Variants in CERS3 observed in about 807,000 individuals in gnomAD.
CERS3 encodes LAG1 homolog, ceramide synthase 3.
A neutral mutation model predicts 50.3 loss-of-function variants in CERS3; 33 were observed. That is an observed-to-expected ratio of 0.66 (90% CI 0.50 to 0.88). The LOEUF (loss-of-function observed/expected upper bound fraction) is 0.88, where lower values mean the gene tolerates loss of function less well. Among genes scored for constraint, CERS3 ranks in the 40% least tolerant of loss-of-function variants. The pLI is 0.00. For missense variants in CERS3, 470 were observed against 460.3 expected, an observed-to-expected ratio of 1.02 and a Z score of -0.19; for synonymous variants, 176 against 155.2, an observed-to-expected ratio of 1.13 and a Z score of -0.99.
chr15:100,476,779 T>C (rs917301998), intron 7 of CERS3, among the ~76,000 whole-genome samples: 4 of 152,212 alleles, frequency 2.6e-5, no homozygotes, highest in African/African-American at 9.7e-5. Context: ...TGAGACATTA[T>C]ATTACTTAGT....
At chr15:100,501,646 A>C (rs747943575) in intron 3 of CERS3, 31 bp downstream of exon 3, 1 of 1,547,968 alleles carries the variant, frequency 6.5e-7, no homozygotes, top group Admixed American at 1.7e-5. Context: ...AAAGAGGGGG[A>C]ATGGGAAGGA....
chr15:100,532,617 A>T (rs1050742930), upstream of CERS3, among the ~76,000 whole-genome samples: 2 of 151,792 alleles, frequency 1.3e-5, no homozygotes, highest in African/African-American at 4.9e-5. Flanking sequence ...AAAAAAAAAA[A>T]TAGCTGGGTA....
chr15:100,501,886 C>G, intron 2 of CERS3, 36 bp from the exon 3 acceptor site: 1 of 1,600,088 alleles, frequency 6.2e-7, no homozygotes, highest in Non-Finnish European at 8.5e-7. Flanking sequence ...GCTTGTAAAA[C>G]AAACACGTAA....
upstream of CERS3, among the ~76,000 whole-genome samples, chr15:100,530,902 G>A (rs936921729): frequency 1.3e-5 from 2 of 151,998 alleles, no homozygotes; most frequent in Non-Finnish European, 2.9e-5. Flanking sequence ...GGCCAACATG[G>A]TGAAACCCTA....
intron 4 of CERS3, among the ~76,000 whole-genome samples, chr15:100,487,074 C>T (rs2142288246): frequency 6.6e-6 from 1 of 152,158 alleles, no homozygotes; most frequent in South Asian, 2.1e-4. Flanking sequence ...AGAGAAAACT[C>T]CTTGCAAACA....
intron 11 of CERS3, among the ~76,000 whole-genome samples, chr15:100,420,261 C>A (rs1444070129): frequency 2.7e-5 from 4 of 147,606 alleles, no homozygotes; most frequent in Admixed American, 6.8e-5. Context: ...CACCACCGAT[C>A]CCACAGAAAT....
At chr15:100,456,107 A>C (rs1169710420) in intron 10 of CERS3, 61 bp from the exon 11 acceptor site, 1 of 1,297,924 alleles carries the variant, frequency 7.7e-7, no homozygotes, top group Non-Finnish European at 1.0e-6. Context: ...AATTTTCAAT[A>C]ATAAAACAAA....
At chr15:100,532,931 C>T (rs1320984864), upstream of CERS3, among the ~76,000 whole-genome samples, 1 of 152,142 alleles carries the variant, frequency 6.6e-6, no homozygotes, top group Non-Finnish European at 1.5e-5. Flanking sequence ...GTCTTATTGT[C>T]ATAAAGTCAT....
intron 11 of CERS3, among the ~76,000 whole-genome samples, chr15:100,428,475 T>G (rs2032949591): frequency 6.6e-6 from 1 of 152,250 alleles, no homozygotes; most frequent in East Asian, 1.9e-4. Flanking sequence ...GTGGATATTT[T>G]GGGCCAGGTG....
At chr15:100,515,663 A>C (rs926918560) in intron 2 of CERS3, among the ~76,000 whole-genome samples, 1 of 152,094 alleles carries the variant, frequency 6.6e-6, no homozygotes, top group Non-Finnish European at 1.5e-5. Flanking sequence ...TGTAAATCTT[A>C]GGGTTCAAAA....
chr15:100,537,411 T>G lies in CERS3; in HGVS notation c.-355+7240A>C, dbSNP rs565720452. On this transcript the variant is annotated intron_variant, in intron 1 of 12. Coordinates refer to the CERS3 transcript ENST00000284382. ...GCAGTGTATTAGTCCATTTTCATAC[T>G]GCTATAAAGAACTGCTTGAGACTGG... Among the ~76,000 whole-genome samples the G allele has an allele frequency of 5.8e-4, 88 of 152,062 alleles. 2 individuals are homozygous for G. The highest frequency in any genetic ancestry group is 5.3e-3 in the Admixed American group (81 of 15,296).
chr15:100,541,018 C>G (rs8039571), intron 1 of CERS3, among the ~76,000 whole-genome samples: 76,121 of 152,010 alleles, frequency 0.5, 19,379 homozygotes, highest in South Asian at 0.6. Flanking sequence ...AAGGCAGATA[C>G]CGTCCCTGCT....
In CERS3 at chr15:100,427,994, C is replaced by T. The variant is rs80008677; in HGVS notation, c.1000-25129G>A. Reference sequence around the variant, plus strand: ...GAACCACTGTTTGGCAGAGTCAAAACGGCCTCCCCTGGTGTGTCCTTCCCA... The same window carrying T: ...GAACCACTGTTTGGCAGAGTCAAAATGGCCTCCCCTGGTGTGTCCTTCCCA... On this transcript the variant is annotated intron_variant, in intron 11 of 11. Transcript: ENST00000679737. 2.7e-3 allele frequency among the ~76,000 whole-genome samples: 417 copies of T among 152,270 alleles called. 5 individuals carry two copies. Among genetic ancestry groups the T allele is most frequent in the East Asian group, 0.022 (112 of 5,176 alleles).
intron 11 of CERS3, among the ~76,000 whole-genome samples, chr15:100,417,677 C>A (rs2032052123): frequency 6.6e-6 from 1 of 151,962 alleles, no homozygotes; most frequent in African/African-American, 2.4e-5. Flanking sequence ...ACTTAAATGT[C>A]CCTGTCTGAC....
chr15:100,540,269 G>T (rs998006561), intron 1 of CERS3, among the ~76,000 whole-genome samples: 1 of 152,138 alleles, frequency 6.6e-6, no homozygotes, highest in African/African-American at 2.4e-5. Context: ...TTGTCCAGGC[G>T]CAGTGGCTCA....
chr15:100,522,322 C>A (rs535128589), intron 1 of CERS3, among the ~76,000 whole-genome samples: 7 of 152,292 alleles, frequency 4.6e-5, no homozygotes, highest in Non-Finnish European at 8.8e-5. Context: ...TTTGACCATG[C>A]TTTCTACCTA....
intron 10 of CERS3, among the ~76,000 whole-genome samples, chr15:100,463,945 A>G (rs539384254): frequency 6.6e-6 from 1 of 152,336 alleles, no homozygotes; most frequent in Non-Finnish European, 1.5e-5. Context: ...ACTGATGAAC[A>G]TCAGCTAAGA....
intron 10 of CERS3, among the ~76,000 whole-genome samples, chr15:100,457,426 G>A (rs987404192): frequency 3.9e-5 from 6 of 152,194 alleles, no homozygotes; most frequent in Non-Finnish European, 5.9e-5. Context: ...GGAATCATAC[G>A]TTGTGTGAGC....
intron 1 of CERS3, among the ~76,000 whole-genome samples, chr15:100,523,758 T>C (rs1430397767): frequency 2.0e-5 from 3 of 151,964 alleles, no homozygotes; most frequent in Non-Finnish European, 2.9e-5. Context: ...ATATATTCTG[T>C]TTTGTCATCT....
Sources: gnomAD v4.1 joint callset for allele counts (sites outside exome capture counted in the v4.1 genomes callset) on GRCh38, gnomAD v4.1.1 for gene constraint, MANE v1.5 for transcripts, NCBI Gene and HGNC (gene_info 2026-07-23, HGNC 2026-07-21) for gene names.